LRP1B: variants seen among roughly 807,000 people sequenced by gnomAD.
The protein encoded by LRP1B is LDL receptor related protein 1B.
LRP1B carries 217 observed loss-of-function variants against 556.6 expected under a neutral mutation model. The ratio of observed to expected loss-of-function variants is 0.39; its 90% CI spans 0.35 to 0.44. The LOEUF (loss-of-function observed/expected upper bound fraction) is 0.44. LRP1B is among the 20% of genes least tolerant of loss of function. LRP1B has a pLI of 1.00. For synonymous variants in LRP1B, 2,047 were observed against 1,865.8 expected (o/e 1.10, Z -2.50); for missense variants, 5,053 against 5,620.8 (o/e 0.90, Z 3.23).
chr2:140,747,918 T>C (rs1002879457), intron 35 of LRP1B, among the ~76,000 whole-genome samples: 2 of 151,500 alleles, frequency 1.3e-5, no homozygotes, highest in Non-Finnish European at 2.9e-5. Flanking sequence ...AATGCGAGAC[T>C]ATTTTCAAGG....
In LRP1B at chr2:140,291,316, ATATT is replaced by A. The variant is rs1457200196; in HGVS notation, c.12967+6488_12967+6491del. On this transcript the variant is annotated intron_variant, in intron 84 of 90. Transcript: ENST00000389484. ...TTTTATTTTATATATATATATATATATATTTTTATTATACTTTAAGTTCTAGGGT... is the reference window on the plus strand; with the variant it reads ...TTTTATTTTATATATATATATATATATTTATTATACTTTAAGTTCTAGGGT... Among the ~76,000 whole-genome samples, 9 of 68,746 alleles carry A rather than the reference ATATT, an allele frequency of 1.3e-4. 1 individual carries two copies. Among genetic ancestry groups the A allele is most frequent in the South Asian group, 5.3e-4 (1 of 1,884 alleles). 45.1% of individuals were successfully genotyped at this position (68,746 alleles called of 152,430 possible).
chr2:141,192,934 G>GA (rs1159076787), intron 6 of LRP1B, among the ~76,000 whole-genome samples: 2 of 151,910 alleles, frequency 1.3e-5, no homozygotes, highest in Non-Finnish European at 2.9e-5. Context: ...GAAACATTCA[G>GA]AAAAGAGTTT....
chr2:141,142,247 G>A (rs759093883), intron 7 of LRP1B, among the ~76,000 whole-genome samples: 5 of 152,166 alleles, frequency 3.3e-5, no homozygotes, highest in African/African-American at 7.2e-5. Flanking sequence ...AGAGGTTGCC[G>A]TGTTGACAGC....
intron 7 of LRP1B, among the ~76,000 whole-genome samples, chr2:141,154,954 T>A (rs555897130): frequency 6.6e-6 from 1 of 152,054 alleles, no homozygotes; most frequent in East Asian, 1.9e-4. Flanking sequence ...CTCCCAGAAT[T>A]AAATAATATT....
intron 2 of LRP1B, among the ~76,000 whole-genome samples, chr2:141,544,381 T>TCTTCTTCTTCTTCTC (rs1685463294): frequency 1.5e-4 from 12 of 79,798 alleles, no homozygotes; most frequent in African/African-American, 4.3e-4. Flanking sequence ...TTCTTCTTCT[T>TCTTCTTCTTCTTCTC]CTCCTCCTCC....
intron 3 of LRP1B, among the ~76,000 whole-genome samples, chr2:141,311,745 C>T (rs1163063352): frequency 6.6e-6 from 1 of 152,140 alleles, no homozygotes; most frequent in Non-Finnish European, 1.5e-5. Context: ...CACCAGATGT[C>T]AGTGCTATGC....
intron 2 of LRP1B, among the ~76,000 whole-genome samples, chr2:141,517,937 T>G (rs1331665134): frequency 1.3e-5 from 2 of 152,176 alleles, no homozygotes; most frequent in African/African-American, 2.4e-5. Context: ...ATGGCTCTCA[T>G]GTATTCACTC....
At chr2:140,787,083 C>T (rs1559118839) in intron 32 of LRP1B, among the ~76,000 whole-genome samples, 1 of 152,306 alleles carries the variant, frequency 6.6e-6, no homozygotes, top group East Asian at 1.9e-4. Context: ...ACTCAGCTAA[C>T]AGAGCAAACT....
chr2:140,607,095 AAAC>A (rs1370761039), intron 41 of LRP1B, among the ~76,000 whole-genome samples: 1 of 152,108 alleles, frequency 6.6e-6, no homozygotes, highest in Non-Finnish European at 1.5e-5. Context: ...CTCAACAATA[AAAC>A]AACAACTAAT....
At chr2:141,709,035 C>T (rs143414756) in intron 2 of LRP1B, among the ~76,000 whole-genome samples, 29 of 152,208 alleles carry the variant, frequency 1.9e-4, no homozygotes, top group Non-Finnish European at 3.4e-4. Context: ...CAACATATAA[C>T]TTTTATAGTC....
intron 86 of LRP1B, among the ~76,000 whole-genome samples, chr2:140,251,334 T>A (rs781240463): frequency 2.6e-5 from 4 of 151,794 alleles, no homozygotes; most frequent in Admixed American, 6.6e-5. Flanking sequence ...ACAAAGAGAA[T>A]TAAAATGAGA....
At chr2:140,752,471 C>T (rs1455079372) in intron 35 of LRP1B, among the ~76,000 whole-genome samples, 3 of 151,864 alleles carry the variant, frequency 2.0e-5, no homozygotes, top group Non-Finnish European at 4.4e-5. Context: ...ATTACAGGCA[C>T]TTAACACTAA....
intron 1 of LRP1B, among the ~76,000 whole-genome samples, chr2:141,979,382 T>C (rs944342610): frequency 6.6e-6 from 1 of 152,102 alleles, no homozygotes; most frequent in African/African-American, 2.4e-5. Flanking sequence ...TACCAAACAT[T>C]TAACACTTAT....
chr2:140,810,585 G>A (rs1453672942), intron 32 of LRP1B, among the ~76,000 whole-genome samples: 1 of 151,984 alleles, frequency 6.6e-6, no homozygotes, highest in Non-Finnish European at 1.5e-5. Flanking sequence ...GAACCCTGAG[G>A]AGAAGAGTAA....
At chr2:141,404,609 CA>C (rs1472682640) in intron 3 of LRP1B, among the ~76,000 whole-genome samples, 1 of 151,968 alleles carries the variant, frequency 6.6e-6, no homozygotes, top group East Asian at 1.9e-4. Flanking sequence ...TAGAAAAATA[CA>C]TTTGGTTCAA....
chr2:141,391,214 CTA>C (rs1690038191), intron 3 of LRP1B, among the ~76,000 whole-genome samples: 4 of 152,216 alleles, frequency 2.6e-5, no homozygotes, highest in African/African-American at 9.6e-5. Flanking sequence ...GCTATAAATT[CTA>C]TGATTTTAGT....
At chr2:141,770,152 C>T (rs1694851234) in intron 2 of LRP1B, among the ~76,000 whole-genome samples, 1 of 151,892 alleles carries the variant, frequency 6.6e-6, no homozygotes, top group African/African-American at 2.4e-5. Flanking sequence ...GAAATGCTGG[C>T]TACTTTTCTT....
intron 6 of LRP1B, among the ~76,000 whole-genome samples, chr2:141,227,700 T>C (rs1013680150): frequency 2.6e-5 from 4 of 152,192 alleles, no homozygotes; most frequent in African/African-American, 9.6e-5. Flanking sequence ...TATAAAATTA[T>C]ACCTGTATGT....
intron 31 of LRP1B, among the ~76,000 whole-genome samples, chr2:140,826,454 T>C (rs2105065164): frequency 6.6e-6 from 1 of 152,222 alleles, no homozygotes; most frequent in South Asian, 2.1e-4. Flanking sequence ...GCCAGATGGC[T>C]TCACTCTCCC....
Sources: gnomAD v4.1 joint callset for allele counts (sites outside exome capture counted in the v4.1 genomes callset) on GRCh38, gnomAD v4.1.1 for gene constraint, MANE v1.5 for transcripts, NCBI Gene and HGNC (gene_info 2026-07-23, HGNC 2026-07-21) for gene names.